Variants in IL12RB1 observed in about 807,000 individuals in gnomAD.
The protein encoded by IL12RB1 is interleukin 12 receptor subunit beta 1, also known as interleukin-12 receptor subunit beta-1.
Under a neutral mutation model 94.4 loss-of-function variants are expected in IL12RB1, and 64 were observed. That is an observed-to-expected ratio of 0.68 (90% confidence interval 0.55 to 0.83). The LOEUF (loss-of-function observed/expected upper bound fraction) is 0.83. IL12RB1 is among the 40% of genes least tolerant of loss of function. IL12RB1 has a pLI of 0.00. For missense variants in IL12RB1, 814 were observed against 855.6 expected, an observed-to-expected ratio of 0.95 and a Z score of 0.61; for synonymous variants, 362 against 355.5, an observed-to-expected ratio of 1.02 and a Z score of -0.21.
intron 12 of IL12RB1, among the ~76,000 whole-genome samples, chr19:18,064,740 C>T (rs1189920495): frequency 1.3e-5 from 2 of 152,296 alleles, no homozygotes; most frequent in African/African-American, 4.8e-5. Context: ...TCCCAAAGTG[C>T]TGGGATTACA....
chr19:18,095,169 A>G (rs59513786), intron 1 of IL12RB1, among the ~76,000 whole-genome samples: 1,664 of 152,296 alleles, frequency 0.011, 14 homozygotes, highest in East Asian at 0.051. Context: ...TCAGAGCAAC[A>G]CTTCATCTCA....
chr19:18,091,874 T>C (rs1281430288), upstream of IL12RB1, among the ~76,000 whole-genome samples: 8 of 149,270 alleles, frequency 5.4e-5, no homozygotes, highest in Non-Finnish European at 6.0e-5. Context: ...TTTTCTTTTT[T>C]TTTTTTTTTT....
chr19:18,078,736 ATC>A (rs2035664501), intron 4 of IL12RB1, among the ~76,000 whole-genome samples: 1 of 152,008 alleles, frequency 6.6e-6, no homozygotes, highest in Non-Finnish European at 1.5e-5. Context: ...TAGTTTTTAG[ATC>A]TATTTCAAGG....
Position 18,061,148 on chromosome 19 carries a change from C to T in IL12RB1, c.1765G>A (p.Ala589Thr), listed in dbSNP as rs376248199. ...TCCTTCCCTCCAGGGAACTCAATGG[C>T]GGAGCTGGCACAGGGTGTGGGCAGC... ...PPLPTPCASS[A>T]IEFPGGKETW... is the part of the protein sequence containing the mutation. The change falls in exon 15 of 17, where the codon GCC becomes ACC. Residue 589 changes from alanine to threonine, a missense_variant. Ala to Thr is a moderately conservative substitution (Grantham distance 58, BLOSUM62 0). Transcript: ENST00000593993. 3 of 1,600,764 alleles carry T rather than the reference C, an allele frequency of 1.9e-6. No individual in the cohort carries two copies. Among genetic ancestry groups the T allele is most frequent in the African/African-American group, 2.7e-5 (2 of 74,644 alleles).
chr19:18,093,970 G>C (rs1383958020), intron 1 of IL12RB1, among the ~76,000 whole-genome samples: 1 of 152,220 alleles, frequency 6.6e-6, no homozygotes, highest in Non-Finnish European at 1.5e-5. Context: ...GTCATCTAAA[G>C]AGGGTGTTGA....
chr19:18,068,624 C>T, intron 10 of IL12RB1, 98 bp from the exon 11 acceptor site: 2 of 984,940 alleles, frequency 2.0e-6, no homozygotes, highest in South Asian at 2.6e-5. Context: ...CCCCAGAAAA[C>T]TCCTACTCAT....
At position 18,080,914 on chromosome 19, in the gene IL12RB1, G is replaced by T; in HGVS notation, c.327C>A (p.Tyr109Ter). 1 of 1,613,604 alleles carries T rather than the reference G, an allele frequency of 6.2e-7. No individual in the cohort carries two copies. Among genetic ancestry groups the T allele is most frequent in the African/African-American group, 1.3e-5 (1 of 75,016 alleles). ...AGGATTCCACCCAGAGTGTGACAGT[G>T]TACAGCACAGACACCCCAGCCTGGT... The part of the protein sequence containing the change: ...FSDQAGVSVL[Y>*]TVTLWVESWA... The change falls in exon 4 of 17, where the codon TAC (tyrosine) becomes TAA (stop). Residue 109 changes from tyrosine (Y) to a stop codon, truncating the protein, a stop_gained. Transcript: ENST00000593993. LOFTEE classifies it high-confidence loss of function.
intron 4 of IL12RB1, among the ~76,000 whole-genome samples, chr19:18,079,213 C>G (rs1470132876): frequency 1.3e-5 from 2 of 151,104 alleles, no homozygotes; most frequent in Non-Finnish European, 2.9e-5. Context: ...ACGTGATTCT[C>G]CTGCCTCAGC....
chr19:18,087,690 A>G (rs1568527648), upstream of IL12RB1, among the ~76,000 whole-genome samples: 1 of 130,060 alleles, frequency 7.7e-6, no homozygotes, highest in Non-Finnish European at 1.6e-5. Context: ...TAATTTTTGC[A>G]TTTTTTTTTT....
Position 18,063,885 on chromosome 19 carries a change from A to G in IL12RB1, c.1609T>C (p.Phe537Leu). 1.2e-6 allele frequency: 2 copies of G among 1,613,310 alleles called. No homozygotes were observed. The highest frequency in any genetic ancestry group is 2.2e-5 in the East Asian group (1 of 44,850). The change falls in exon 13 of 17, where the codon TTC becomes CTC. Residue 537 changes from phenylalanine to leucine, a missense_variant. By Grantham distance (22) the Phe-to-Leu change is conservative. Transcript: ENST00000593993. ...TACCCCCTCCACTCACCGATGCTGA[A>G]GCGCTGGGGCTGGCTCCAGACACCC... Reference protein sequence around the residue: ...LRGVWSQPQRFSIEVQVSDWL... With the variant: ...LRGVWSQPQRLSIEVQVSDWL...
chr19:18,076,154 A>G, intron 6 of IL12RB1, 143 bp downstream of exon 6: 1 of 707,706 alleles, frequency 1.4e-6, no homozygotes, highest in Admixed American at 2.0e-5. Flanking sequence ...CCCCACCTGC[A>G]ATTTGGAAAG....
At chr19:18,071,269 G>A (rs1159431756) in intron 9 of IL12RB1, 1 of 495,598 alleles carries the variant, frequency 2.0e-6, no homozygotes, top group Non-Finnish European at 3.7e-6. Context: ...CTACTCGGGA[G>A]GCTGAAGCAG....
rs183366642 is a variant in IL12RB1 at position 18,086,727 on chromosome 19, G to C, written c.64+33C>G. ...ACATACACGTGCCTCCACCCAGCAAGAGGAGCCGCCATGCCAGGGTCAGGG... is the reference window on the plus strand; with the variant it reads ...ACATACACGTGCCTCCACCCAGCAACAGGAGCCGCCATGCCAGGGTCAGGG... On this transcript the variant is annotated intron_variant, in intron 1 of 16. Coordinates refer to ENST00000593993, the MANE Select transcript of IL12RB1 (RefSeq NM_005535.3). 7 of 1,590,374 alleles carry C rather than the reference G, an allele frequency of 4.4e-6. No individual in the cohort carries two copies. The Admixed American group carries it at 8.7e-5, about 20-fold the overall frequency.
chr19:18,095,542 G>A (rs2036851945), intron 1 of IL12RB1, among the ~76,000 whole-genome samples: 1 of 152,166 alleles, frequency 6.6e-6, no homozygotes, highest in Non-Finnish European at 1.5e-5. Context: ...AGGACTGGCT[G>A]CTAATAGGTA....
At chr19:18,077,450 C>T in intron 5 of IL12RB1, 66 bp downstream of exon 5, 1 of 1,251,758 alleles carries the variant, frequency 8.0e-7, no homozygotes, top group Non-Finnish European at 1.2e-6. Flanking sequence ...GATGGTGAGA[C>T]TGATTTGGGG....
At chr19:18,076,383 G>C in intron 5 of IL12RB1, 56 bp from the exon 6 acceptor site, 1 of 877,748 alleles carries the variant, frequency 1.1e-6, no homozygotes, top group South Asian at 1.3e-5. Flanking sequence ...AAAAATATTT[G>C]CTGTTTTACA....
At chr19:18,089,190 G>C (rs1039209481), upstream of IL12RB1, among the ~76,000 whole-genome samples, 3 of 152,096 alleles carry the variant, frequency 2.0e-5, no homozygotes, top group African/African-American at 7.2e-5. Context: ...GTCAGGGGCT[G>C]GGGGGAGGCG....
At chr19:18,095,653 C>T (rs574255700) in intron 1 of IL12RB1, among the ~76,000 whole-genome samples, 3 of 152,294 alleles carry the variant, frequency 2.0e-5, no homozygotes, top group Non-Finnish European at 4.4e-5. Flanking sequence ...TTATTGCACA[C>T]TTTAAAAGCG....
At chr19:18,064,333 G>T (rs1599457393) in intron 12 of IL12RB1, among the ~76,000 whole-genome samples, 2 of 151,496 alleles carry the variant, frequency 1.3e-5, no homozygotes, top group South Asian at 2.1e-4. Context: ...TAGAGACGGG[G>T]TTTCACTGTG....
Sources: gnomAD v4.1 joint callset for allele counts (sites outside exome capture counted in the v4.1 genomes callset) on GRCh38, gnomAD v4.1.1 for gene constraint, MANE v1.5 for transcripts, NCBI Gene and HGNC (gene_info 2026-07-23, HGNC 2026-07-21) for gene names.